The following MROH7 variants were observed in gnomAD, a reference collection of about 807,000 sequenced individuals.
MROH7 encodes the protein maestro heat-like repeat-containing protein family member 7.
Under a neutral mutation model 129.2 loss-of-function variants are expected in MROH7, and 113 were observed. The ratio of observed to expected loss-of-function variants is 0.87; its 90% CI spans 0.75 to 1.02. MROH7 has a LOEUF of 1.02. Among genes scored for constraint, MROH7 ranks in the 50% least tolerant of loss-of-function variants. The probability of loss-of-function intolerance (pLI) is 0.00; values close to 1 mark genes in which losing one functional copy is unlikely to be tolerated. For missense variants in MROH7, 1,601 were observed against 1,671.3 expected (o/e 0.96, Z 0.73); for synonymous variants, 655 against 667.9 (o/e 0.98, Z 0.30).
intron 1 of MROH7, among the ~76,000 whole-genome samples, chr1:54,648,336 TTTTA>T (rs59068913): frequency 0.092 from 13,098 of 142,130 alleles, 675 homozygotes; most frequent in Middle Eastern, 0.18. Context: ...TTGCATGCAA[TTTTA>T]TTTATTTATT....
chr1:54,709,650 A>G lies in MROH7; in HGVS notation c.3731-296A>G, dbSNP rs113422935. ...GAAATGAGGCTCCAAAGTGAGACCA[A>G]AAGCCATTTGGTGCAGGGTGACTCT... is the stretch of plus-strand genomic sequence containing the variant. On this transcript the variant is annotated intron_variant, in intron 23 of 23. Transcript: ENST00000421030. Among the ~76,000 whole-genome samples, 663 of 152,270 alleles carry G rather than the reference A, an allele frequency of 4.4e-3. 3 individuals are homozygous for G. Among genetic ancestry groups the G allele is most frequent in the African/African-American group, 0.014 (595 of 41,550 alleles).
Position 54,695,371 on chromosome 1 carries a change from C to T in MROH7, c.2850-5C>T, listed in dbSNP as rs762060833. ...GAGGGGACTACTCCCCCTTCCCACC[C>T]CCAGGGCCATGGTGCAGTACTCCTG... On this transcript the variant is annotated splice_region_variant and splice_polypyrimidine_tract_variant and intron_variant, in intron 16 of 23. Coordinates refer to ENST00000421030, the MANE Select transcript of MROH7 (RefSeq NM_001039464.4). The T allele has an allele frequency of 1.9e-6, 3 of 1,596,766 alleles. No homozygotes were observed. The highest frequency in any genetic ancestry group is 2.7e-5 in the African/African-American group (2 of 74,520).
intron 17 of MROH7, chr1:54,700,023 GT>G (rs1424477808): frequency 1.6e-6 from 1 of 637,680 alleles, no homozygotes; most frequent in African/African-American, 1.8e-5. Flanking sequence ...TGGCTGGCTG[GT>G]GGTGAGGGTG....
chr1:54,692,250 A>G (rs1282964792), intron 15 of MROH7, among the ~76,000 whole-genome samples, 174 bp from the exon 16 acceptor site: 1 of 152,172 alleles, frequency 6.6e-6, no homozygotes, highest in African/African-American at 2.4e-5. Flanking sequence ...CTCTTGTTCT[A>G]AAAGCTAATG....
At chr1:54,679,867 A>G (rs918164402) in intron 12 of MROH7, 24 bp from the exon 13 acceptor site, 3 of 1,594,810 alleles carry the variant, frequency 1.9e-6, no homozygotes, top group South Asian at 1.1e-5. Flanking sequence ...CCCCTTGCTC[A>G]TGGCTGCCCC....
intron 21 of MROH7, among the ~76,000 whole-genome samples, 181 bp from the exon 22 acceptor site, chr1:54,706,254 G>A (rs1013791383): frequency 3.3e-5 from 5 of 152,044 alleles, no homozygotes; most frequent in Admixed American, 1.3e-4. Flanking sequence ...GAACATCATC[G>A]AAGTGATTGT....
At chr1:54,709,134 C>A (rs1012306727) in intron 23 of MROH7, 58 bp downstream of exon 23, 86 of 1,518,434 alleles carry the variant, frequency 5.7e-5, no homozygotes, top group Non-Finnish European at 6.9e-5. Flanking sequence ...TGAGTAGAAT[C>A]ACAGTGGGTA....
chr1:54,697,587 C>A, intron 17 of MROH7: 1 of 652,516 alleles, frequency 1.5e-6, no homozygotes, highest in Non-Finnish European at 2.8e-6. Context: ...CCATTACTTA[C>A]AGGCCTACTA....
At chr1:54,682,589 C>T in intron 13 of MROH7, 67 bp from the exon 14 acceptor site, 1 of 1,529,330 alleles carries the variant, frequency 6.5e-7, no homozygotes, top group Non-Finnish European at 8.8e-7. Flanking sequence ...CTCCCAAAAC[C>T]ATTTGGAGGC....
chr1:54,669,758 G>T (rs982401522), intron 5 of MROH7, among the ~76,000 whole-genome samples: 1 of 152,150 alleles, frequency 6.6e-6, no homozygotes, highest in Non-Finnish European at 1.5e-5. Flanking sequence ...CCAGCATTTT[G>T]GGAGGCCAAG....
chr1:54,670,660 T>TGCCCC, intron 6 of MROH7, 84 bp downstream of exon 6: 2 of 1,061,766 alleles, frequency 1.9e-6, no homozygotes, highest in Non-Finnish European at 1.3e-6. Context: ...CGCTGTACCC[T>TGCCCC]CCCCCAACCC....
intron 22 of MROH7, among the ~76,000 whole-genome samples, chr1:54,707,116 T>C (rs1645546554): frequency 6.6e-6 from 1 of 152,136 alleles, no homozygotes; most frequent in East Asian, 1.9e-4. Context: ...CAAACTTTCT[T>C]TTTGGAAAAA....
intron 3 of MROH7, among the ~76,000 whole-genome samples, chr1:54,660,797 A>G (rs1359765776): frequency 2.6e-5 from 4 of 152,198 alleles, no homozygotes; most frequent in Non-Finnish European, 4.4e-5. Context: ...CCTGGGCAAC[A>G]AGAGCAAAAC....
intron 3 of MROH7, among the ~76,000 whole-genome samples, chr1:54,660,145 G>A (rs1644710244): frequency 6.6e-6 from 1 of 152,168 alleles, no homozygotes; most frequent in Non-Finnish European, 1.5e-5. Context: ...ATAAACAACA[G>A]GGATTTATTT....
In MROH7 at chr1:54,697,370, G is replaced by A. The variant is rs147721916; in HGVS notation, c.2964+1880G>A. The A allele has an allele frequency of 8.9e-3, 3,114 of 348,560 alleles. 19 individuals carry two copies. The highest frequency in any genetic ancestry group is 0.016 in the Middle Eastern group (21 of 1,350). 21.6% of individuals were successfully genotyped at this position (348,560 alleles called of 1,614,324 possible). ...TGTCACATTGGTATTGCACCCCCAG[G>A]TCCAGCTTTAGGAGGGCCCCAAGAA... On this transcript the variant is annotated intron_variant, in intron 17 of 23. Transcript: ENST00000421030.
chr1:54,682,802 C>A lies in MROH7; in HGVS notation c.2520+8C>A, dbSNP rs1203400617. 1 of 1,608,634 alleles carries A rather than the reference C, an allele frequency of 6.2e-7. No individual in the cohort carries two copies. Among genetic ancestry groups the A allele is most frequent in the Non-Finnish European group, 8.5e-7 (1 of 1,179,142 alleles). On this transcript the variant is annotated splice_region_variant and intron_variant, in intron 14 of 23. Transcript: ENST00000421030. ...TCCATCGTGCCCCTGGCGGTGAGCA[C>A]CCAGTCAGCCAGCCCCTATTGCTGC... is the stretch of plus-strand genomic sequence containing the variant.
At chr1:54,697,724 C>A (rs1255427595) in intron 17 of MROH7, 2 of 702,076 alleles carry the variant, frequency 2.8e-6, no homozygotes, top group Non-Finnish European at 5.2e-6. Flanking sequence ...GGTCACAGAG[C>A]TCAGAGAGTC....
At chr1:54,694,921 C>T (rs1231789231) in intron 16 of MROH7, among the ~76,000 whole-genome samples, 1 of 152,194 alleles carries the variant, frequency 6.6e-6, no homozygotes. Context: ...GCTCTGTGAC[C>T]GTGGGCGGTT....
rs989199279 is a variant in MROH7, at chr1:54,647,829, T to C, written c.-109-4120T>C. On this transcript the variant is annotated intron_variant, in intron 1 of 23. Transcript: ENST00000421030. ...CTGAAGCAGGAGAATCGCTTGAACC[T>C]GGGAGGTGGAGGTTGCAGTGAGCCA... 7.1e-5 allele frequency among the ~76,000 whole-genome samples: 10 copies of C among 141,102 alleles called. 1 individual carries two copies. Among genetic ancestry groups the C allele is most frequent in the Non-Finnish European group, 1.5e-4 (10 of 66,440 alleles). The allele number at this position is 141,102 out of a possible 152,430, so 92.6% of individuals were successfully genotyped here.
Sources: gnomAD v4.1 joint callset for allele counts (sites outside exome capture counted in the v4.1 genomes callset) on GRCh38, gnomAD v4.1.1 for gene constraint, MANE v1.5 for transcripts, NCBI Gene and HGNC (gene_info 2026-07-23, HGNC 2026-07-21) for gene names.